The following ELP1 variants were observed in gnomAD, a reference collection of about 807,000 sequenced individuals.
ELP1 encodes elongator acetyltransferase complex subunit 1.
A neutral mutation model predicts 183.2 loss-of-function variants in ELP1; 131 were observed. The ratio of observed to expected loss-of-function variants is 0.72; its 90% CI spans 0.62 to 0.83. The LOEUF (loss-of-function observed/expected upper bound fraction) is 0.83, where lower values mean the gene tolerates loss of function less well. Among genes scored for constraint, ELP1 ranks in the 40% least tolerant of loss-of-function variants. The pLI is 0.00. For synonymous variants in ELP1, 555 were observed against 569.0 expected, an observed-to-expected ratio of 0.98 and a Z score of 0.35; for missense variants, 1,550 against 1,594.9, an observed-to-expected ratio of 0.97 and a Z score of 0.48.
chr9:108,900,511 C>T (rs1828736837), intron 18 of ELP1, 136 bp from the exon 19 acceptor site: 1 of 734,000 alleles, frequency 1.4e-6, no homozygotes, highest in East Asian at 2.7e-5. Flanking sequence ...CCCACTGAAC[C>T]TCAAGACTAT....
At chr9:108,905,009 C>T (rs913090816) in intron 14 of ELP1, among the ~76,000 whole-genome samples, 1 of 152,184 alleles carries the variant, frequency 6.6e-6, no homozygotes, top group Admixed American at 6.5e-5. Context: ...AATTTCAAAT[C>T]TGAAGAAGTA....
At position 108,917,548 on chromosome 9, in the gene ELP1, T is replaced by C. The variant is rs1231811799; in HGVS notation, c.863A>G (p.Lys288Arg). The C allele has an allele frequency of 6.2e-7, 1 of 1,613,836 alleles. No homozygotes were observed. The highest frequency in any genetic ancestry group is 1.1e-5 in the South Asian group (1 of 91,074). ...FTLPFLKDEV[K>R]VNDLLWNADS... The stretch of plus-strand genomic sequence containing the variant: ...GGTGAAACAAACTCAGGCACTTACC[T>C]TAACCTCATCTTTAAGGAAGGGAAG... The change falls in exon 9 of 37, where the codon AAG (lysine) becomes AGG (arginine). Residue 288 changes from lysine (K) to arginine (R), a missense_variant and splice_region_variant. Coordinates refer to ENST00000374647, the MANE Select transcript of ELP1 (RefSeq NM_003640.5).
chr9:108,893,955 G>A lies in ELP1; in HGVS notation c.2848C>T (p.Leu950Phe). Residue 950 changes from leucine to phenylalanine, a missense_variant, in exon 26 of 37, where the codon CTC (leucine) becomes TTC (phenylalanine). Transcript: ENST00000374647. The part of the protein sequence containing the change: ...LKRYEKAIGH[L>F]SKCGPEYFPE... ...TCCCCACACTTACCACATTTGCTGA[G>A]GTGGCCAATGGCTTTTTCATATCGT... is the stretch of plus-strand genomic sequence containing the variant. 1.2e-6 allele frequency: 2 copies of A among 1,613,780 alleles called. No individual in the cohort carries two copies. Among genetic ancestry groups the A allele is most frequent in the South Asian group, 2.2e-5 (2 of 91,074 alleles).
rs2027434 is a variant in ELP1 at position 108,874,706 on chromosome 9, C to T, written c.3931+189G>A. 0.41 allele frequency among the ~76,000 whole-genome samples: 62,141 copies of T among 151,958 alleles called. 15,108 individuals carry two copies. The highest frequency in any genetic ancestry group is 0.69 in the African/African-American group (28,454 of 41,438). On this transcript the variant is annotated intron_variant, in intron 36 of 36. Coordinates refer to ENST00000374647, the MANE Select transcript of ELP1 (RefSeq NM_003640.5). ...ATGCTGGATTTTCCTGCACCAGGTC[C>T]CCCACCGCTAGAAGCATGAAACTGA...
At position 108,912,467 on chromosome 9, in the gene ELP1, T is replaced by G; in HGVS notation, c.986A>C (p.His329Pro). The change falls in exon 11 of 37, where the codon CAC (histidine) becomes CCC (proline). Residue 329 changes from histidine (H) to proline (P), a missense_variant. Physicochemically the swap from His to Pro is moderately conservative, Grantham distance 77 (BLOSUM62 -2). Transcript: ENST00000374647. ...CVQLWTVGNY[H>P]WYLKQSLSFS... ...GGATAAACTTTGCTTGAGATACCAG[T>G]GATAGTTTCCAACAGTCCAGAGCTG... is the stretch of plus-strand genomic sequence containing the variant. 6.2e-7 allele frequency: 1 copy of G among 1,613,828 alleles called. No homozygotes were observed. Among genetic ancestry groups the G allele is most frequent in the Non-Finnish European group, 8.5e-7 (1 of 1,179,854 alleles).
At position 108,868,419 on chromosome 9, in the gene ELP1, T is replaced by G. The variant is rs1827315385; in HGVS notation, c.*696A>C. 3.5e-6 allele frequency: 1 copy of G among 285,514 alleles called. No individual in the cohort carries two copies. The allele number at this position is 285,514 out of a possible 1,614,324, so 17.7% of individuals were successfully genotyped here. Reference sequence around the variant, plus strand: ...ATTCACAACCATGCATGCCATACAATGCACACTGATCACTCACACCAACTG... The same window carrying G: ...ATTCACAACCATGCATGCCATACAAGGCACACTGATCACTCACACCAACTG... On this transcript the variant is annotated 3_prime_UTR_variant, in exon 37 of 37. Transcript: ENST00000374647.
chr9:108,899,843 T>G lies in ELP1; in HGVS notation c.2183A>C (p.Gln728Pro). 6.2e-7 allele frequency: 1 copy of G among 1,614,146 alleles called. No individual in the cohort carries two copies. Among genetic ancestry groups the G allele is most frequent in the Non-Finnish European group, 8.5e-7 (1 of 1,179,980 alleles). ...TTACTTGTCCAACCACTTCCGAATC[T>G]GAGCTAAAACCAGGGCTCGATGATG... is the stretch of plus-strand genomic sequence containing the variant. The part of the protein sequence containing the change: ...VVHHRALVLA[Q>P]IRKWLDKLMF... The change falls in exon 20 of 37, where the codon CAG becomes CCG. Residue 728 changes from glutamine (Q) to proline (P), a missense_variant. Transcript: ENST00000374647.
rs201596987 is a variant in ELP1 at position 108,897,271 on chromosome 9, G to A, written c.2378C>T (p.Thr793Met). The change falls in exon 23 of 37, where the codon ACG becomes ATG. Residue 793 changes from threonine (T) to methionine (M), a missense_variant. Thr to Met is a moderately conservative substitution (Grantham distance 81). Coordinates refer to ENST00000374647, the MANE Select transcript of ELP1 (RefSeq NM_003640.5). ...FFTELKEEDVTKTMYPAPVTS... is the reference protein window; with the variant it reads ...FFTELKEEDVMKTMYPAPVTS... The stretch of plus-strand genomic sequence containing the variant: ...AACTGGTGCAGGGTACATGGTCTTC[G>A]TGACATCTTCTTCTCTAAGAACAGG... 3.3e-5 allele frequency: 53 copies of A among 1,613,942 alleles called. No individual in the cohort carries two copies. The highest frequency in any genetic ancestry group is 4.4e-5 in the South Asian group (4 of 91,084).
intron 3 of ELP1, 146 bp from the exon 4 acceptor site, chr9:108,927,599 G>A: frequency 1.4e-6 from 1 of 715,526 alleles, no homozygotes; most frequent in South Asian, 1.5e-5. Context: ...GTTTGTTGCA[G>A]CTCTGTTCAC....
intron 27 of ELP1, among the ~76,000 whole-genome samples, chr9:108,892,079 G>C (rs1828361820): frequency 6.6e-6 from 1 of 152,166 alleles, no homozygotes; most frequent in African/African-American, 2.4e-5. Flanking sequence ...ACAACATGGA[G>C]TCCCTGCCCT....
At chr9:108,926,246 C>A (rs1038018409) in intron 5 of ELP1, among the ~76,000 whole-genome samples, 4 of 152,142 alleles carry the variant, frequency 2.6e-5, no homozygotes, top group African/African-American at 9.7e-5. Context: ...GAAATACTAC[C>A]TTGTACAGTC....
At chr9:108,919,739 C>A (rs1320429371) in intron 6 of ELP1, among the ~76,000 whole-genome samples, 1 of 152,134 alleles carries the variant, frequency 6.6e-6, no homozygotes, top group Non-Finnish European at 1.5e-5. Flanking sequence ...AGCTTCACAA[C>A]AGGGCACAGA....
Position 108,911,019 on chromosome 9 carries a change from A to C in ELP1, c.1351T>G (p.Tyr451Asp). The C allele has an allele frequency of 6.2e-7, 1 of 1,613,966 alleles. No individual in the cohort carries two copies. The highest frequency in any genetic ancestry group is 8.5e-7 in the Non-Finnish European group (1 of 1,179,828). ...VLDASNQISVYKCGDCPSADP... is the reference protein window; with the variant it reads ...VLDASNQISVDKCGDCPSADP... Reference sequence around the variant, plus strand: ...AAGTTTTATAACATACCACATTTATAAACAGAAATCTGGTTACTGGCATCT... The same window carrying C: ...AAGTTTTATAACATACCACATTTATCAACAGAAATCTGGTTACTGGCATCT... Residue 451 changes from tyrosine (Y) to aspartate (D), a missense_variant, in exon 12 of 37, where the codon TAT becomes GAT. Physicochemically the swap from Tyr to Asp is radical, Grantham distance 160 (BLOSUM62 -3). Transcript: ENST00000374647.
chr9:108,927,310 G>T, intron 4 of ELP1, 62 bp downstream of exon 4: 1 of 1,344,214 alleles, frequency 7.4e-7, no homozygotes, highest in Non-Finnish European at 1.1e-6. Context: ...AGCTGATGAA[G>T]CCTGTAAGAC....
At chr9:108,927,228 A>C in intron 4 of ELP1, 144 bp downstream of exon 4, 1 of 688,370 alleles carries the variant, frequency 1.5e-6, no homozygotes, top group Non-Finnish European at 2.6e-6. Context: ...CACATACATA[A>C]TTGGTATTAT....
chr9:108,879,759 T>C (rs1827849183), intron 32 of ELP1, among the ~76,000 whole-genome samples: 1 of 152,200 alleles, frequency 6.6e-6, no homozygotes, highest in African/African-American at 2.4e-5. Flanking sequence ...CCTGAACTTT[T>C]TTCTGGAAAT....
chr9:108,874,921 T>C lies in ELP1; in HGVS notation c.3905A>G (p.Gln1302Arg). 1 of 1,612,706 alleles carries C rather than the reference T, an allele frequency of 6.2e-7. No homozygotes were observed. The highest frequency in any genetic ancestry group is 8.5e-7 in the Non-Finnish European group (1 of 1,178,792). The change falls in exon 36 of 37, where the codon CAA (glutamine) becomes CGA (arginine). Residue 1302 changes from glutamine to arginine, a missense_variant. Transcript: ENST00000374647. ...TANSIMASYQ[Q>R]QKTSVPVLDA... The stretch of plus-strand genomic sequence containing the variant: ...AAGAACAGGAACCGAAGTCTTCTGT[T>C]GCTGATAAGATGCCATGATACTATT...
intron 4 of ELP1, 96 bp from the exon 5 acceptor site, chr9:108,926,699 G>C (rs1587923747): frequency 1.2e-6 from 1 of 855,002 alleles, no homozygotes; most frequent in Non-Finnish European, 1.9e-6. Flanking sequence ...GCTGGAGTTA[G>C]TCTGAACAGA....
intron 25 of ELP1, among the ~76,000 whole-genome samples, chr9:108,895,788 C>A (rs769150071): frequency 6.6e-6 from 1 of 152,088 alleles, no homozygotes; most frequent in Non-Finnish European, 1.5e-5. Flanking sequence ...TTGATCATAG[C>A]AAATGTACCA....
Sources: gnomAD v4.1 joint callset for allele counts (sites outside exome capture counted in the v4.1 genomes callset) on GRCh38, gnomAD v4.1.1 for gene constraint, MANE v1.5 for transcripts, NCBI Gene and HGNC (gene_info 2026-07-23, HGNC 2026-07-21) for gene names.